UBE2V2: variants seen among roughly 807,000 people sequenced by gnomAD.
UBE2V2 encodes ubiquitin-conjugating enzyme E2 variant 2.
In UBE2V2, 9 loss-of-function variants were observed where a neutral mutation model predicts 17.2. That is an observed-to-expected ratio of 0.52 (90% CI 0.32 to 0.91). The LOEUF is 0.91. Ranked by LOEUF, UBE2V2 falls within the 40% of genes least tolerant of loss-of-function variation. UBE2V2 has a pLI of 0.04. For synonymous variants in UBE2V2, 61 were observed against 57.5 expected (o/e 1.06, Z -0.28); for missense variants, 133 against 182.6 (o/e 0.73, Z 1.56).
intron 1 of UBE2V2, among the ~76,000 whole-genome samples, chr8:48,038,463 G>C (rs2091439282): frequency 6.6e-6 from 1 of 151,128 alleles, no homozygotes; most frequent in Admixed American, 6.6e-5. Flanking sequence ...CTACAGGTGC[G>C]CACCACCATG....
intron 2 of UBE2V2, among the ~76,000 whole-genome samples, chr8:48,046,101 C>G (rs1297213788): frequency 6.6e-6 from 1 of 152,104 alleles, no homozygotes. Context: ...CATGTGCCAC[C>G]ACTCCCAGCT....
intron 3 of UBE2V2, among the ~76,000 whole-genome samples, chr8:48,050,677 A>T (rs2091530956): frequency 6.6e-6 from 1 of 151,240 alleles, no homozygotes; most frequent in Admixed American, 6.6e-5. Context: ...TGAAAGAGCG[A>T]AACTCCGTCT....
intron 1 of UBE2V2, among the ~76,000 whole-genome samples, chr8:48,038,562 T>C (rs1018221613): frequency 4.6e-5 from 7 of 151,562 alleles, no homozygotes; most frequent in African/African-American, 1.7e-4. Flanking sequence ...CACTACAACC[T>C]CTGCCTCCCA....
At chr8:48,035,107 CTTT>C (rs578114987) in intron 1 of UBE2V2, 12,009 of 815,338 alleles carry the variant, frequency 0.015, no homozygotes, top group Middle Eastern at 0.017. Context: ...CCTATTTATT[CTTT>C]TTTTTTTTTT....
chr8:48,007,465 AACAG>A (rs2091191484), upstream of UBE2V2, among the ~76,000 whole-genome samples: 1 of 150,432 alleles, frequency 6.6e-6, no homozygotes, highest in African/African-American at 2.4e-5. Context: ...ATACACTAAT[AACAG>A]ACAAACAGAG....
chr8:48,036,267 A>AT lies in UBE2V2; in HGVS notation c.17-6766_17-6765insT, dbSNP rs1202225367. Among the ~76,000 whole-genome samples, 188 of 151,702 alleles carry AT rather than the reference A, an allele frequency of 1.2e-3. 2 individuals are homozygous for AT. The highest frequency in any genetic ancestry group is 1.8e-3 in the Non-Finnish European group (122 of 67,888). ...ACCACACCTGGCCAATTAAAAAAAAAAATTTCTTAGGATAGGGTCATGTCT... is the reference window on the plus strand; with the variant it reads ...ACCACACCTGGCCAATTAAAAAAAAATAATTTCTTAGGATAGGGTCATGTCT... On this transcript the variant is annotated intron_variant, in intron 1 of 3. Transcript: ENST00000523111.
At chr8:48,053,517 A>G (rs1306788935) in intron 3 of UBE2V2, among the ~76,000 whole-genome samples, 1 of 145,184 alleles carries the variant, frequency 6.9e-6, no homozygotes, top group Non-Finnish European at 1.5e-5. Flanking sequence ...TCTGTCTCCC[A>G]GGTTCAAGCA....
intron 1 of UBE2V2, among the ~76,000 whole-genome samples, chr8:48,010,424 C>T (rs1355718371): frequency 5.9e-5 from 8 of 135,438 alleles, no homozygotes; most frequent in South Asian, 2.4e-4. Flanking sequence ...TTTTTTGAGA[C>T]GCAGTCTTGC....
intron 1 of UBE2V2, among the ~76,000 whole-genome samples, chr8:48,034,575 CTT>C (rs74511157): frequency 7.1e-6 from 1 of 141,794 alleles, no homozygotes; most frequent in South Asian, 2.5e-4. Flanking sequence ...CCCACCCCCC[CTT>C]TTTTTTTAAC....
intron 1 of UBE2V2, chr8:48,035,107 C>CTTTTTTTT (rs578114987): frequency 9.1e-5 from 78 of 855,516 alleles, no homozygotes; most frequent in Admixed American, 8.5e-4. Flanking sequence ...CCTATTTATT[C>CTTTTTTTT]TTTTTTTTTT....
At chr8:48,000,821 C>CAAAAA in the UBE2V2 span, among the ~76,000 whole-genome samples, 1 of 20,484 alleles carries the variant, frequency 4.9e-5, no homozygotes, top group Non-Finnish European at 1.1e-4. Context: ...GACTTTGCCT[C>CAAAAA]AAAAAAAAAA....
Position 48,042,282 on chromosome 8 carries a change from TA to T in UBE2V2, c.17-745del, listed in dbSNP as rs949360043. The stretch of plus-strand genomic sequence containing the variant: ...ATCCATGAAAATCTCACAAACACAT[TA>T]AAAAATGTATTATCTAAGGTGCATA... On this transcript the variant is annotated intron_variant, in intron 1 of 3. Transcript: ENST00000523111. 85 of 152,246 alleles carry T rather than the reference TA, an allele frequency of 5.6e-4. 1 individual carries two copies. Among genetic ancestry groups the T allele is most frequent in the African/African-American group, 1.9e-3 (79 of 41,556 alleles). 9.4% of individuals were successfully genotyped at this position (152,246 alleles called of 1,614,324 possible).
intron 1 of UBE2V2, among the ~76,000 whole-genome samples, chr8:48,016,049 C>T (rs906553905): frequency 6.6e-6 from 1 of 152,046 alleles, no homozygotes; most frequent in Non-Finnish European, 1.5e-5. Flanking sequence ...TGGCACCCGC[C>T]GCCAAGCCCG....
In UBE2V2 at chr8:48,049,901, A is replaced by C; in HGVS notation, c.214A>C (p.Lys72Gln). Reference sequence around the variant, plus strand: ...TAGCCTGAAAGTAGAATGTGGACCTAAATACCCAGAAGCTCCTCCGTCAGT... The same window carrying C: ...TAGCCTGAAAGTAGAATGTGGACCTCAATACCCAGAAGCTCCTCCGTCAGT... ...IYSLKVECGP[K>Q]YPEAPPSVRF... is the part of the protein sequence containing the mutation. The change falls in exon 3 of 4, where the codon AAA (lysine) becomes CAA (glutamine). Residue 72 changes from lysine (K) to glutamine (Q), a missense_variant. Coordinates refer to ENST00000523111, the MANE Select transcript of UBE2V2 (RefSeq NM_003350.3). 1 of 1,591,624 alleles carries C rather than the reference A, an allele frequency of 6.3e-7. No individual in the cohort carries two copies. Among genetic ancestry groups the C allele is most frequent in the Non-Finnish European group, 8.5e-7 (1 of 1,173,196 alleles).
At chr8:48,004,833 G>C (rs934396698), upstream of UBE2V2, among the ~76,000 whole-genome samples, 6 of 150,952 alleles carry the variant, frequency 4.0e-5, no homozygotes, top group African/African-American at 1.5e-4. Context: ...CTGGCCCCCT[G>C]CATTTTTTTT....
intron 1 of UBE2V2, among the ~76,000 whole-genome samples, chr8:48,026,817 C>T (rs1179547914): frequency 6.6e-6 from 1 of 152,130 alleles, no homozygotes; most frequent in African/African-American, 2.4e-5. Context: ...ATTCATTCAT[C>T]ATGTTGGTGG....
At chr8:48,018,404 C>T (rs867685703) in intron 1 of UBE2V2, among the ~76,000 whole-genome samples, 6 of 152,056 alleles carry the variant, frequency 3.9e-5, no homozygotes, top group African/African-American at 9.7e-5. Context: ...TTAATATCTT[C>T]ATTGACCTAT....
At chr8:48,054,229 C>T (rs764043726) in intron 3 of UBE2V2, among the ~76,000 whole-genome samples, 2 of 152,204 alleles carry the variant, frequency 1.3e-5, no homozygotes, top group Non-Finnish European at 2.9e-5. Context: ...TCGTGGCCTG[C>T]CCCTTTCCAT....
chr8:48,024,461 G>A (rs1045620404), intron 1 of UBE2V2, among the ~76,000 whole-genome samples: 1 of 152,078 alleles, frequency 6.6e-6, no homozygotes, highest in Non-Finnish European at 1.5e-5. Flanking sequence ...TGGGCATGGT[G>A]GCACATGCCT....
Sources: allele counts gnomAD v4.1 joint callset (sites outside exome capture counted in the v4.1 genomes callset), GRCh38; gene constraint gnomAD v4.1.1; transcripts MANE v1.5; gene names NCBI Gene and HGNC (gene_info 2026-07-23, HGNC 2026-07-21).